Variants in CALN1 observed in about 807,000 individuals in gnomAD.
CALN1 encodes calneuron 1.
In CALN1, 17 loss-of-function variants were observed where a neutral mutation model predicts 30.6. The ratio of observed to expected loss-of-function variants is 0.56; its 90% CI spans 0.38 to 0.83. CALN1 has a LOEUF of 0.83. Among genes scored for constraint, CALN1 ranks in the 40% least tolerant of loss-of-function variants. CALN1 has a pLI of 0.00. For missense variants in CALN1, 291 were observed against 354.9 expected, an observed-to-expected ratio of 0.82 and a Z score of 1.45; for synonymous variants, 156 against 131.4, an observed-to-expected ratio of 1.19 and a Z score of -1.28.
chr7:72,382,084 T>C (rs1804936864), intron 2 of CALN1, among the ~76,000 whole-genome samples: 1 of 152,156 alleles, frequency 6.6e-6, no homozygotes, highest in Non-Finnish European at 1.5e-5. Flanking sequence ...CACTGCAATG[T>C]ACAAACAAAA....
chr7:72,146,265 G>T (rs1786712977), intron 3 of CALN1, among the ~76,000 whole-genome samples: 1 of 152,134 alleles, frequency 6.6e-6, no homozygotes, highest in Non-Finnish European at 1.5e-5. Context: ...ATAAGCAACT[G>T]CAGCAAAGTC....
chr7:72,188,530 A>G (rs1157057819), intron 3 of CALN1, among the ~76,000 whole-genome samples: 3 of 150,972 alleles, frequency 2.0e-5, no homozygotes, highest in Admixed American at 1.3e-4. Context: ...GAATGATACA[A>G]TGAACTCTGG....
Position 71,863,595 on chromosome 7 carries a change from G to T in CALN1, c.502-53103C>A, listed in dbSNP as rs374260588. Among the ~76,000 whole-genome samples the T allele has an allele frequency of 2.3e-4, 26 of 111,214 alleles. No homozygotes were observed. In the East Asian group the frequency reaches 5.6e-3, roughly 24 times the overall value. The allele number at this position is 111,214 out of a possible 152,430, so 73.0% of individuals were successfully genotyped here. Reference sequence around the variant, plus strand: ...AAAAAAAAAAAAAAGAAGAAAGAAAGAAATAACAACAAAACACCCATACAA... The same window carrying T: ...AAAAAAAAAAAAAAGAAGAAAGAAATAAATAACAACAAAACACCCATACAA... On this transcript the variant is annotated intron_variant, in intron 5 of 6. Coordinates refer to ENST00000395275, the MANE Select transcript of CALN1 (RefSeq NM_031468.4).
At chr7:71,864,626 T>A (rs2116688912) in intron 5 of CALN1, among the ~76,000 whole-genome samples, 1 of 152,314 alleles carries the variant, frequency 6.6e-6, no homozygotes, top group East Asian at 1.9e-4. Context: ...CTAAGCCTCC[T>A]GACCCACGGA....
At chr7:72,158,362 C>T (rs1787866505) in intron 3 of CALN1, among the ~76,000 whole-genome samples, 1 of 152,076 alleles carries the variant, frequency 6.6e-6, no homozygotes, top group South Asian at 2.1e-4. Context: ...AGGCCCTGGC[C>T]GTAGTCCAGG....
chr7:72,005,351 C>T (rs1799715450), intron 5 of CALN1, among the ~76,000 whole-genome samples: 1 of 152,150 alleles, frequency 6.6e-6, no homozygotes, highest in African/African-American at 2.4e-5. Context: ...TGTTTTGAGA[C>T]AGGGTCTCGC....
At chr7:71,819,341 T>C (rs909613210) in intron 5 of CALN1, among the ~76,000 whole-genome samples, 1 of 152,026 alleles carries the variant, frequency 6.6e-6, no homozygotes, top group African/African-American at 2.4e-5. Flanking sequence ...CCTGAGTAGC[T>C]GAGATTACAG....
intron 5 of CALN1, among the ~76,000 whole-genome samples, chr7:72,003,378 G>T (rs929629147): frequency 2.6e-5 from 4 of 152,104 alleles, no homozygotes; most frequent in African/African-American, 9.7e-5. Flanking sequence ...ATGAAAACAG[G>T]TGTCCCCAAC....
intron 1 of CALN1, among the ~76,000 whole-genome samples, chr7:72,411,792 A>C (rs1042359519): frequency 6.7e-6 from 1 of 149,418 alleles, no homozygotes; most frequent in Non-Finnish European, 1.5e-5. Context: ...TAAAGTAATT[A>C]CTCTTTTAAA....
chr7:72,239,854 G>C (rs1385198796), intron 3 of CALN1, among the ~76,000 whole-genome samples: 1 of 152,128 alleles, frequency 6.6e-6, no homozygotes, highest in Non-Finnish European at 1.5e-5. Context: ...AAAACCAACA[G>C]AACCACTGTC....
upstream of CALN1, among the ~76,000 whole-genome samples, chr7:72,412,668 C>T (rs1730818357): frequency 6.6e-6 from 1 of 152,228 alleles, no homozygotes. Context: ...CTTGTCCCCT[C>T]ACCCTTCCCC....
At chr7:72,106,336 G>T in intron 3 of CALN1, 42 bp from the exon 4 acceptor site, 1 of 1,611,410 alleles carries the variant, frequency 6.2e-7, no homozygotes. Context: ...TCACATGGCT[G>T]GCTTTATTGC....
chr7:72,478,960 C>T, the CALN1 span, among the ~76,000 whole-genome samples: 3 of 148,194 alleles, frequency 2.0e-5, no homozygotes, highest in East Asian at 5.8e-4. Context: ...TGGCTCATTG[C>T]AAACTCCACC....
At chr7:72,041,330 G>T (rs1201788812) in intron 4 of CALN1, among the ~76,000 whole-genome samples, 1 of 152,050 alleles carries the variant, frequency 6.6e-6, no homozygotes, top group Non-Finnish European at 1.5e-5. Context: ...ACTGGAGTGA[G>T]GGGATGGGGG....
At chr7:72,389,800 T>C (rs1805461131) in intron 2 of CALN1, among the ~76,000 whole-genome samples, 1 of 151,936 alleles carries the variant, frequency 6.6e-6, no homozygotes, top group African/African-American at 2.4e-5. Flanking sequence ...ATGCCTGTAA[T>C]CCCAGCTACT....
intron 5 of CALN1, among the ~76,000 whole-genome samples, chr7:71,998,260 A>G (rs1020243151): frequency 1.3e-5 from 2 of 152,170 alleles, no homozygotes; most frequent in Non-Finnish European, 1.5e-5. Context: ...GAAGTTCTTC[A>G]AACAGAAAAG....
chr7:72,464,520 C>A, the CALN1 span, among the ~76,000 whole-genome samples: 49 of 152,288 alleles, frequency 3.2e-4, no homozygotes, highest in Admixed American at 3.1e-3. Flanking sequence ...TCATGCCAAT[C>A]CCACACATTC....
chr7:72,205,555 T>TATACATATAC (rs1489760031), intron 3 of CALN1, among the ~76,000 whole-genome samples: 1 of 107,940 alleles, frequency 9.3e-6, no homozygotes, highest in African/African-American at 4.7e-5. Flanking sequence ...AAAAAAAATA[T>TATACATATAC]ATATATATAT....
chr7:72,157,553 A>G (rs577107982), intron 3 of CALN1, among the ~76,000 whole-genome samples: 1 of 152,300 alleles, frequency 6.6e-6, no homozygotes, highest in Non-Finnish European at 1.5e-5. Flanking sequence ...TGAGAAACAA[A>G]AAGACTTTTA....
Sources: allele counts gnomAD v4.1 joint callset (sites outside exome capture counted in the v4.1 genomes callset), GRCh38; gene constraint gnomAD v4.1.1; transcripts MANE v1.5; gene names NCBI Gene and HGNC (gene_info 2026-07-23, HGNC 2026-07-21).